ADGRA1: variants seen among roughly 807,000 people sequenced by gnomAD.
ADGRA1 encodes the protein G-protein coupled receptor 123.
A neutral mutation model predicts 21.3 loss-of-function variants in ADGRA1; 12 were observed. The ratio of observed to expected loss-of-function variants is 0.56; its 90% confidence interval spans 0.36 to 0.91. The LOEUF (loss-of-function observed/expected upper bound fraction) is 0.91, where lower values mean the gene tolerates loss of function less well. Ranked by LOEUF, ADGRA1 falls within the 40% of genes least tolerant of loss-of-function variation. The pLI, the probability that ADGRA1 is intolerant of heterozygous loss-of-function variation, is 0.01. For missense variants in ADGRA1, 790 were observed against 805.6 expected (o/e 0.98, Z 0.23); for synonymous variants, 385 against 368.8 (o/e 1.04, Z -0.50).
At chr10:133,095,488 G>A (rs1040296395) in intron 2 of ADGRA1, among the ~76,000 whole-genome samples, 3 of 152,220 alleles carry the variant, frequency 2.0e-5, no homozygotes, top group African/African-American at 4.8e-5. Context: ...GCCCCACAGC[G>A]ACGCCCGCTC....
At chr10:133,095,933 G>T (rs1851680892) in intron 2 of ADGRA1, among the ~76,000 whole-genome samples, 1 of 152,210 alleles carries the variant, frequency 6.6e-6, no homozygotes. Context: ...AGAGTGGCTG[G>T]AGCCTGGCAC....
rs1233320226 is a variant in ADGRA1, at chr10:133,112,417, CTGCGGGCCAT to C, written c.401+9576_401+9585del. On this transcript the variant is annotated intron_variant, in intron 5 of 6. Transcript: ENST00000392607. ...ACGGGCCGCGTCCGTTATTTGGGGT[CTGCGGGCCAT>C]GTCGGTTATTTGGGGTCTACGGGCC... Among the ~76,000 whole-genome samples the C allele has an allele frequency of 3.2e-3, 476 of 147,204 alleles. 32 individuals carry two copies. In the East Asian group the frequency reaches 0.033, roughly 10 times the overall value.
intron 5 of ADGRA1, among the ~76,000 whole-genome samples, chr10:133,125,113 G>A (rs1317229329): frequency 6.6e-6 from 1 of 152,252 alleles, no homozygotes; most frequent in Non-Finnish European, 1.5e-5. Flanking sequence ...CTCACAGTTG[G>A]CACTGCATGG....
chr10:133,119,626 G>C (rs1238114716), intron 5 of ADGRA1, among the ~76,000 whole-genome samples: 3 of 152,202 alleles, frequency 2.0e-5, no homozygotes, highest in Non-Finnish European at 4.4e-5. Flanking sequence ...ACCAGGAGCA[G>C]ATTGCATCCC....
At chr10:133,091,921 G>A (rs11101911) in intron 2 of ADGRA1, among the ~76,000 whole-genome samples, 3,413 of 152,316 alleles carry the variant, frequency 0.022, 54 homozygotes, top group Non-Finnish European at 0.034. Flanking sequence ...GGGGAGTCTC[G>A]GAGGCCGAGA....
In ADGRA1 at chr10:133,102,137, A is replaced by G. The variant is rs188498048; in HGVS notation, c.256-560A>G. 1.2e-3 allele frequency: 531 copies of G among 440,536 alleles called. 1 individual carries two copies. The highest frequency in any genetic ancestry group is 2.2e-3 in the Middle Eastern group (4 of 1,788). The allele number at this position is 440,536 out of a possible 1,614,324, so 27.3% of individuals were successfully genotyped here. A position where few individuals can be genotyped will look rare whatever the true frequency, so the allele number is the denominator to read the frequency against. ...GTTTCCATAGCAATGAGGAACGGCGACCTGCAGGGCCACACGAATGCCGGC... is the reference window on the plus strand; with the variant it reads ...GTTTCCATAGCAATGAGGAACGGCGGCCTGCAGGGCCACACGAATGCCGGC... On this transcript the variant is annotated intron_variant, in intron 4 of 6. Coordinates refer to ENST00000392607, the MANE Select transcript of ADGRA1 (RefSeq NM_001083909.3).
chr10:133,096,780 C>T (rs1223437625), intron 2 of ADGRA1, among the ~76,000 whole-genome samples, 194 bp from the exon 3 acceptor site: 1 of 152,208 alleles, frequency 6.6e-6, no homozygotes, highest in Non-Finnish European at 1.5e-5. Context: ...GGGGCCCCTC[C>T]CGTGCACTCC....
Position 133,101,203 on chromosome 10 carries a change from G to A in ADGRA1, c.256-1494G>A, listed in dbSNP as rs553230604. Among the ~76,000 whole-genome samples, 12 of 152,198 alleles carry A rather than the reference G, an allele frequency of 7.9e-5. No individual in the cohort carries two copies. In the South Asian group the frequency reaches 1.7e-3, roughly 21 times the overall value. On this transcript the variant is annotated intron_variant, in intron 4 of 6. Coordinates refer to ENST00000392607, the MANE Select transcript of ADGRA1 (RefSeq NM_001083909.3). ...CCAGTGGTGGCTGATCCGCCTTCCC[G>A]CCTGCCCCGCCCTTGTCACACCCAC...
intron 5 of ADGRA1, among the ~76,000 whole-genome samples, chr10:133,104,849 G>A (rs1851864684): frequency 1.3e-5 from 2 of 152,306 alleles, no homozygotes; most frequent in South Asian, 4.1e-4. Context: ...CCCTCTCCGT[G>A]GCTGGGCCTG....
Position 133,131,479 on chromosome 10 carries a change from C to T in ADGRA1, c.*1968C>T, listed in dbSNP as rs1206555517. The T allele has an allele frequency of 2.0e-5, 3 of 152,320 alleles. No individual in the cohort carries two copies. Among genetic ancestry groups the T allele is most frequent in the Admixed American group, 2.0e-4 (3 of 15,284 alleles). The allele number at this position is 152,320 out of a possible 1,614,324, so 9.4% of individuals were successfully genotyped here. ...CATCCCCGTGTGTTTTTCTCACCCT[C>T]GATGGGGTAGAGGGGCACCTGAATG... is the stretch of plus-strand genomic sequence containing the variant. On this transcript the variant is annotated 3_prime_UTR_variant, in exon 7 of 7. Coordinates refer to ENST00000392607, the MANE Select transcript of ADGRA1 (RefSeq NM_001083909.3).
At chr10:133,116,109 C>A (rs916575249) in intron 5 of ADGRA1, among the ~76,000 whole-genome samples, 1 of 152,102 alleles carries the variant, frequency 6.6e-6, no homozygotes, top group Non-Finnish European at 1.5e-5. Flanking sequence ...ACCCACGCCG[C>A]TCTGCAGGGG....
intron 5 of ADGRA1, among the ~76,000 whole-genome samples, chr10:133,121,720 TGTGA>T (rs778576555): frequency 6.9e-6 from 1 of 144,844 alleles, no homozygotes; most frequent in Non-Finnish European, 1.5e-5. Context: ...CCAGTGTGCG[TGTGA>T]GTGTGCTTGT....
At chr10:133,116,014 C>G (rs1241039694) in intron 5 of ADGRA1, among the ~76,000 whole-genome samples, 1 of 151,774 alleles carries the variant, frequency 6.6e-6, no homozygotes, top group Non-Finnish European at 1.5e-5. Context: ...CCCCATTCCC[C>G]TCTCCCTCCC....
chr10:133,088,612 A>G, intron 1 of ADGRA1, 96 bp from the exon 2 acceptor site: 1 of 774,530 alleles, frequency 1.3e-6, no homozygotes, highest in Non-Finnish European at 1.7e-6. Context: ...GGAGGGAGCG[A>G]CAGGGGCCGC....
intron 5 of ADGRA1, among the ~76,000 whole-genome samples, chr10:133,112,431 G>T (rs181227581): frequency 1.6e-5 from 2 of 125,398 alleles, no homozygotes; most frequent in East Asian, 3.0e-4. Context: ...GGGCCATGTC[G>T]GTTATTTGGG....
intron 4 of ADGRA1, among the ~76,000 whole-genome samples, chr10:133,099,190 CGGAGAAAGTG>C (rs1851745850): frequency 6.9e-6 from 1 of 144,906 alleles, no homozygotes. Context: ...CCGCCCCTCC[CGGAGAAAGTG>C]CTGGGGGGAC....
At chr10:133,119,992 C>T (rs1376131445) in intron 5 of ADGRA1, among the ~76,000 whole-genome samples, 1 of 152,196 alleles carries the variant, frequency 6.6e-6, no homozygotes, top group Non-Finnish European at 1.5e-5. Context: ...TCCGTTAGCC[C>T]CTAGCAAGAG....
At chr10:133,124,443 A>G (rs973643994) in intron 5 of ADGRA1, among the ~76,000 whole-genome samples, 1 of 152,120 alleles carries the variant, frequency 6.6e-6, no homozygotes, top group Middle Eastern at 3.4e-3. Context: ...CTTCCCCCAA[A>G]GGCAGTGGTT....
Position 133,129,224 on chromosome 10 carries a change from A to G in ADGRA1, c.1396A>G (p.Thr466Ala). The change falls in exon 7 of 7, where the codon ACA becomes GCA. Residue 466 changes from threonine to alanine, a missense_variant. Thr to Ala is a moderately conservative substitution (Grantham distance 58, BLOSUM62 0). Around this residue, in one of 3 missense-constraint regions of ADGRA1, gnomAD observed 391 missense variants for 351.5 expected, o/e 1.11. Coordinates refer to ENST00000392607, the MANE Select transcript of ADGRA1 (RefSeq NM_001083909.3). Reference protein sequence around the residue: ...PPSSLDGPAGTHTLACCTQGD... With the variant: ...PPSSLDGPAGAHTLACCTQGD... ...CAGCTCTCTGGATGGCCCGGCGGGG[A>G]CACACACGCTGGCCTGCTGCACCCA... 2.6e-6 allele frequency: 4 copies of G among 1,549,688 alleles called. No homozygotes were observed. Among genetic ancestry groups the G allele is most frequent in the Non-Finnish European group, 3.5e-6 (4 of 1,146,868 alleles).
Sources: allele counts gnomAD v4.1 joint callset (sites outside exome capture counted in the v4.1 genomes callset), GRCh38; gene constraint gnomAD v4.1.1; regional missense constraint gnomAD v4.1.1; transcripts MANE v1.5; gene names NCBI Gene and HGNC (gene_info 2026-07-23, HGNC 2026-07-21).